SPON1: variants seen among roughly 807,000 people sequenced by gnomAD.
SPON1 encodes spondin 1, also known as spondin-1.
Under a neutral mutation model 111.7 loss-of-function variants are expected in SPON1, and 52 were observed. The observed-to-expected ratio is 0.47, with a 90% CI of 0.37 to 0.59. The LOEUF (loss-of-function observed/expected upper bound fraction) is 0.59, where lower values mean the gene tolerates loss of function less well. Ranked by LOEUF, SPON1 falls within the 20% of genes least tolerant of loss-of-function variation. SPON1 has a pLI of 0.00. For missense variants in SPON1, 957 were observed against 1,068.5 expected (o/e 0.90, Z 1.46); for synonymous variants, 410 against 395.8 (o/e 1.04, Z -0.43).
intron 5 of SPON1, among the ~76,000 whole-genome samples, chr11:14,086,539 T>A (rs913307845): frequency 6.6e-6 from 1 of 152,196 alleles, no homozygotes; most frequent in Non-Finnish European, 1.5e-5. Context: ...GCTGCTGGAT[T>A]TGGTTTGCCG....
intron 6 of SPON1, among the ~76,000 whole-genome samples, chr11:14,201,269 G>A (rs1235815159): frequency 6.6e-6 from 1 of 151,916 alleles, no homozygotes; most frequent in African/African-American, 2.4e-5. Context: ...GAACCCAGGA[G>A]GCAGAGCTTG....
chr11:14,101,705 G>T (rs1006716692), intron 5 of SPON1, among the ~76,000 whole-genome samples: 4 of 152,036 alleles, frequency 2.6e-5, no homozygotes, highest in Non-Finnish European at 5.9e-5. Context: ...ACACTAAAAA[G>T]GTCTATTAAT....
intron 6 of SPON1, among the ~76,000 whole-genome samples, chr11:14,172,311 C>A (rs1848113818): frequency 6.6e-6 from 1 of 151,826 alleles, no homozygotes; most frequent in South Asian, 2.1e-4. Context: ...ACTAGGGTTG[C>A]AACCCCTGCC....
chr11:14,259,434 G>A lies in SPON1; in HGVS notation c.1647G>A (p.Thr549=), dbSNP rs373915195. 1.7e-5 allele frequency: 27 copies of A among 1,609,174 alleles called. No individual in the cohort carries two copies. In the Admixed American group the frequency reaches 4.5e-4, roughly 27 times the overall value. Residue 549 remains threonine, a synonymous_variant, in exon 12 of 16, where the codon ACG becomes ACA. Coordinates refer to ENST00000576479, the MANE Select transcript of SPON1 (RefSeq NM_006108.4). This position sits in a 1 kb window ranked among gnomAD's most constrained non-coding sequence, Gnocchi z 5.0. The part of the protein sequence containing the change: ...TLPTEETEKC[T]VNEECSPSSC... ...CCACTGAGGAAACGGAGAAGTGCAC[G>A]GTCAACGAGGAGTGCTGTGAGTGGG...
Position 13,963,063 on chromosome 11 carries a change from G to C in SPON1, c.159G>C (p.Thr53=), listed in dbSNP as rs978194261. 1.3e-5 allele frequency: 21 copies of C among 1,576,252 alleles called. No individual in the cohort carries two copies. The highest frequency in any genetic ancestry group is 1.6e-5 in the Non-Finnish European group (19 of 1,162,978). ...YCSRILRAQG[T]RREGYTEFSL... is the part of the protein sequence containing the mutation. Reference sequence around the variant, plus strand: ...GCCGTATCCTGCGCGCCCAGGGCACGCGGCGCGAGGGCTACACCGAGTTCA... The same window carrying C: ...GCCGTATCCTGCGCGCCCAGGGCACCCGGCGCGAGGGCTACACCGAGTTCA... The change falls in exon 1 of 16, where the codon ACG becomes ACC. Residue 53 remains threonine, a synonymous_variant. Coordinates refer to ENST00000576479, the MANE Select transcript of SPON1 (RefSeq NM_006108.4).
At chr11:14,098,991 A>C (rs1849123462) in intron 5 of SPON1, among the ~76,000 whole-genome samples, 1 of 152,138 alleles carries the variant, frequency 6.6e-6, no homozygotes, top group South Asian at 2.1e-4. Context: ...TTGAGGAGTA[A>C]ATTGGTTAGT....
At chr11:14,052,116 G>A (rs1231841771) in intron 3 of SPON1, among the ~76,000 whole-genome samples, 4 of 152,146 alleles carry the variant, frequency 2.6e-5, no homozygotes, top group African/African-American at 9.7e-5. Context: ...TATAACCAGG[G>A]GTTGGAGGTC....
intron 5 of SPON1, among the ~76,000 whole-genome samples, chr11:14,119,814 T>C (rs1047155498): frequency 2.6e-5 from 4 of 152,212 alleles, no homozygotes; most frequent in Admixed American, 6.5e-5. Flanking sequence ...TTGGTTCTTA[T>C]ATTTAGCAGT....
chr11:13,973,978 C>G (rs554531565), intron 1 of SPON1, among the ~76,000 whole-genome samples: 5 of 152,300 alleles, frequency 3.3e-5, no homozygotes, highest in Non-Finnish European at 7.4e-5. Flanking sequence ...AGAAGGCCAT[C>G]CAGGGGAACA....
chr11:14,013,719 A>G (rs1373758733), intron 2 of SPON1, among the ~76,000 whole-genome samples: 1 of 152,086 alleles, frequency 6.6e-6, no homozygotes, highest in Non-Finnish European at 1.5e-5. Flanking sequence ...GGCTCACTAG[A>G]TTTACTGAGC....
At chr11:14,041,453 A>G in intron 2 of SPON1, 68 bp from the exon 3 acceptor site, 1 of 1,568,852 alleles carries the variant, frequency 6.4e-7, no homozygotes, top group Non-Finnish European at 8.7e-7. Flanking sequence ...AGGAAGTACC[A>G]ACTTAGAAGC....
At chr11:14,033,055 C>A (rs1554916241) in intron 2 of SPON1, among the ~76,000 whole-genome samples, 1 of 152,210 alleles carries the variant, frequency 6.6e-6, no homozygotes, top group Non-Finnish European at 1.5e-5. Flanking sequence ...CATCTCACAT[C>A]CTCCACAGAA....
At chr11:14,186,431 A>G (rs1335116110) in intron 6 of SPON1, among the ~76,000 whole-genome samples, 1 of 152,154 alleles carries the variant, frequency 6.6e-6, no homozygotes, top group African/African-American at 2.4e-5. Context: ...AGGGAAGATA[A>G]GTTATGTATG....
At chr11:14,113,839 C>G (rs570037823) in intron 5 of SPON1, among the ~76,000 whole-genome samples, 2 of 151,730 alleles carry the variant, frequency 1.3e-5, no homozygotes, top group African/African-American at 4.8e-5. Context: ...CTCCTGACCT[C>G]GTGATCCGCC....
intron 6 of SPON1, among the ~76,000 whole-genome samples, chr11:14,172,679 G>T (rs1410979830): frequency 6.6e-6 from 1 of 151,564 alleles, no homozygotes; most frequent in Admixed American, 6.6e-5. Flanking sequence ...CTCTTTTAGG[G>T]CAGGCCTGGT....
At chr11:13,981,979 G>A (rs1591339392) in intron 1 of SPON1, among the ~76,000 whole-genome samples, 2 of 152,296 alleles carry the variant, frequency 1.3e-5, no homozygotes, top group Non-Finnish European at 2.9e-5. Flanking sequence ...TCCCTTATCC[G>A]AGGTTTTGCT....
In SPON1 at chr11:14,121,443, C is replaced by CG. The variant is rs1847388603; in HGVS notation, c.677-13974dup. Among the ~76,000 whole-genome samples the CG allele has an allele frequency of 1.3e-5, 2 of 152,042 alleles. 1 individual carries two copies. The highest frequency in any genetic ancestry group is 1.3e-4 in the Admixed American group (2 of 15,260). On this transcript the variant is annotated intron_variant, in intron 5 of 15. Transcript: ENST00000576479. ...AAAGATTTGGTGGAGAAAATAAGCT[C>CG]GGGTTCAGATTGCAAGGAAGATAAT...
At chr11:13,971,034 G>A (rs527963696) in intron 1 of SPON1, among the ~76,000 whole-genome samples, 3 of 152,300 alleles carry the variant, frequency 2.0e-5, no homozygotes, top group South Asian at 4.1e-4. Context: ...AAGAACCCTG[G>A]TGTGAGCTCT....
At chr11:13,974,908 A>C (rs1848090521) in intron 1 of SPON1, among the ~76,000 whole-genome samples, 1 of 152,210 alleles carries the variant, frequency 6.6e-6, no homozygotes, top group African/African-American at 2.4e-5. Flanking sequence ...CAACTTATGA[A>C]ATACAGAATC....
Sources: gnomAD v4.1 joint callset for allele counts (sites outside exome capture counted in the v4.1 genomes callset) on GRCh38, gnomAD v4.1.1 for gene constraint, Gnocchi (gnomAD v3.1) non-coding constraint, MANE v1.5 for transcripts, NCBI Gene and HGNC (gene_info 2026-07-23, HGNC 2026-07-21) for gene names.